Variants in NIPA1 observed in about 807,000 individuals in gnomAD.
NIPA1 encodes NIPA magnesium transporter 1.
Under a neutral mutation model 23.9 loss-of-function variants are expected in NIPA1, and 13 were observed. The ratio of observed to expected loss-of-function variants is 0.54; its 90% confidence interval spans 0.35 to 0.87. NIPA1 has a LOEUF of 0.87. Among genes scored for constraint, NIPA1 ranks in the 40% least tolerant of loss-of-function variants. NIPA1 has a pLI of 0.01. For synonymous variants in NIPA1, 234 were observed against 202.9 expected (o/e 1.15, Z -1.30); for missense variants, 362 against 429.7 (o/e 0.84, Z 1.39).
intron 1 of NIPA1, among the ~76,000 whole-genome samples, chr15:22,807,559 C>G (rs963815917): frequency 2.8e-4 from 42 of 151,846 alleles, no homozygotes; most frequent in Admixed American, 1.3e-4. Flanking sequence ...TACACCCCAG[C>G]CTGGGCAACA....
chr15:22,809,977 C>T (rs1253254425), intron 1 of NIPA1, among the ~76,000 whole-genome samples: 2 of 151,760 alleles, frequency 1.3e-5, no homozygotes, highest in South Asian at 4.2e-4. Context: ...TGGGAGGAGG[C>T]GGAGGTTGCG....
intron 1 of NIPA1, among the ~76,000 whole-genome samples, chr15:22,809,011 C>G (rs1458781345): frequency 6.6e-6 from 1 of 152,098 alleles, no homozygotes; most frequent in East Asian, 1.9e-4. Context: ...ACTTGTAGCT[C>G]TGCTGCTCCA....
chr15:22,788,396 G>C (rs1331052566), intron 1 of NIPA1, among the ~76,000 whole-genome samples: 1 of 151,562 alleles, frequency 6.6e-6, no homozygotes, highest in African/African-American at 2.4e-5. Context: ...AGCTACTCGA[G>C]AGGCTGAGGC....
At position 22,824,254 on chromosome 15, in the gene NIPA1, T is replaced by TTGGA. The variant is rs1439050499; in HGVS notation, c.*19_*22dup. On this transcript the variant is annotated 3_prime_UTR_variant, in exon 5 of 5. Coordinates refer to ENST00000337435, the MANE Select transcript of NIPA1 (RefSeq NM_144599.5). The surrounding 1 kb of genome is among the most constrained non-coding windows in gnomAD (Gnocchi z 4.1). ...AAACAGACTAGATTGCAATAGGAGC[T>TTGGA]TGGATGGTTCGAGGAATAGGCATTG... 6.2e-7 allele frequency: 1 copy of TTGGA among 1,610,088 alleles called. No homozygotes were observed. The highest frequency in any genetic ancestry group is 8.5e-7 in the Non-Finnish European group (1 of 1,176,442).
rs532196835 is a variant in NIPA1, at chr15:22,812,299, T to C, written c.317+46T>C. 6.8e-6 allele frequency: 9 copies of C among 1,322,488 alleles called. No homozygotes were observed. In the African/African-American group the frequency reaches 7.2e-5, roughly 11 times the overall value. The allele number at this position is 1,322,488 out of a possible 1,614,324, so 81.9% of individuals were successfully genotyped here. A position where few individuals can be genotyped will look rare whatever the true frequency, so the allele number is the denominator to read the frequency against. ...TGGTATTTAATGTGTAGTGTAGATATAACAACTTTTCATTTTAAATGTTTC... is the reference window on the plus strand; with the variant it reads ...TGGTATTTAATGTGTAGTGTAGATACAACAACTTTTCATTTTAAATGTTTC... On this transcript the variant is annotated intron_variant, in intron 3 of 4. Transcript: ENST00000337435.
At chr15:22,819,394 AC>A (rs1442218969) in intron 3 of NIPA1, 3 of 152,152 alleles carry the variant, frequency 2.0e-5, no homozygotes, top group Non-Finnish European at 4.4e-5. Flanking sequence ...AGTGACAATG[AC>A]CAGTCCTGTG....
chr15:22,800,985 A>G (rs1240445987), intron 1 of NIPA1, among the ~76,000 whole-genome samples: 2 of 150,506 alleles, frequency 1.3e-5, no homozygotes, highest in South Asian at 4.2e-4. Flanking sequence ...GCATGCCTGT[A>G]GTCCCAGCTA....
At chr15:22,820,557 C>T (rs1304389364) in intron 4 of NIPA1, 84 bp downstream of exon 4, 15 of 1,003,336 alleles carry the variant, frequency 1.5e-5, no homozygotes, top group Non-Finnish European at 2.4e-5. Context: ...TTGGATGCTT[C>T]CTGGCAGGGC....
chr15:22,786,325 C>G (rs1374441301), upstream of NIPA1: 1 of 152,420 alleles, frequency 6.6e-6, no homozygotes, highest in African/African-American at 2.4e-5. Flanking sequence ...CTCCGCTGCC[C>G]GGATATTGCA....
intron 4 of NIPA1, among the ~76,000 whole-genome samples, chr15:22,822,908 GTTTTTT>G (rs59308538): frequency 4.5e-4 from 41 of 91,452 alleles, no homozygotes; most frequent in South Asian, 6.9e-4. Context: ...GCTGTAAATG[GTTTTTT>G]TTTTTTTTTT....
Position 22,823,769 on chromosome 15 carries a change from C to T in NIPA1, c.520C>T (p.Leu174=). The T allele has an allele frequency of 6.2e-7, 1 of 1,612,914 alleles. No homozygotes were observed. The highest frequency in any genetic ancestry group is 8.5e-7 in the Non-Finnish European group (1 of 1,179,706). Reference sequence around the variant, plus strand: ...GTGCATCGTGCTGCTCATGCTGCTGCTGCTCATCTTCTGGATCGCGCCGGC... The same window carrying T: ...GTGCATCGTGCTGCTCATGCTGCTGTTGCTCATCTTCTGGATCGCGCCGGC... ...YLCIVLLMLL[L]LIFWIAPAHG... is the part of the protein sequence containing the mutation. The change falls in exon 5 of 5, where the codon CTG becomes TTG. Residue 174 remains leucine, a synonymous_variant. Transcript: ENST00000337435.
intron 1 of NIPA1, among the ~76,000 whole-genome samples, chr15:22,805,560 C>T (rs1895189758): frequency 1.3e-5 from 2 of 152,014 alleles, no homozygotes; most frequent in African/African-American, 2.4e-5. Context: ...GGTGGCGCAG[C>T]CTGTAATGCC....
At position 22,829,578 on chromosome 15, in the gene NIPA1, T is replaced by C. The variant is rs1331306817; in HGVS notation, c.*5339T>C. ...AAATGTCAAATGTTGATTGGTTGTGTAAAAGTTTTGTCATAGACATGTATT... is the reference window on the plus strand; with the variant it reads ...AAATGTCAAATGTTGATTGGTTGTGCAAAAGTTTTGTCATAGACATGTATT... On this transcript the variant is annotated 3_prime_UTR_variant, in exon 5 of 5. Coordinates refer to ENST00000337435, the MANE Select transcript of NIPA1 (RefSeq NM_144599.5). 2.0e-5 allele frequency: 3 copies of C among 152,196 alleles called. No homozygotes were observed. The East Asian group carries it at 5.8e-4, about 29-fold the overall frequency. 9.4% of individuals were successfully genotyped at this position (152,196 alleles called of 1,614,324 possible).
chr15:22,786,579 G>A (rs1022708510), upstream of NIPA1: 2 of 324,620 alleles, frequency 6.2e-6, no homozygotes, highest in African/African-American at 2.4e-5. Flanking sequence ...TCCCCCGCCC[G>A]CGCCTCCCGG....
chr15:22,804,331 C>T (rs1236312316), intron 1 of NIPA1, among the ~76,000 whole-genome samples: 7 of 152,032 alleles, frequency 4.6e-5, no homozygotes, highest in Middle Eastern at 6.8e-3. Flanking sequence ...CCATCTTGGC[C>T]AGGCTGGTCT....
intron 1 of NIPA1, among the ~76,000 whole-genome samples, chr15:22,796,513 A>G (rs1348804730): frequency 1.3e-5 from 2 of 151,550 alleles, no homozygotes; most frequent in African/African-American, 4.9e-5. Context: ...TATGTTGATC[A>G]GGCTGGTCTC....
intron 3 of NIPA1, chr15:22,814,265 T>G (rs530999495): frequency 4.2e-4 from 102 of 245,762 alleles, no homozygotes; most frequent in South Asian, 6.0e-4. Flanking sequence ...TTTTTTTTTG[T>G]TTTTTTTTTT....
rs149238395 is a variant in NIPA1 at position 22,787,368 on chromosome 15, A to G, written c.178+534A>G. On this transcript the variant is annotated intron_variant, in intron 1 of 4. Transcript: ENST00000337435. ...TCCCCCGCAGGGGCCTCGCTGGTGC[A>G]AAAGGAAGACCCGGGCGGGCTCTCA... Among the ~76,000 whole-genome samples, 85 of 152,318 alleles carry G rather than the reference A, an allele frequency of 5.6e-4. 2 individuals are homozygous for G. Among genetic ancestry groups the G allele is most frequent in the South Asian group, 3.3e-3 (16 of 4,834 alleles).
At chr15:22,808,293 G>C (rs1895253087) in intron 1 of NIPA1, among the ~76,000 whole-genome samples, 1 of 152,186 alleles carries the variant, frequency 6.6e-6, no homozygotes, top group Non-Finnish European at 1.5e-5. Flanking sequence ...GCCCACCATG[G>C]GACATTCTTA....
Sources: allele counts gnomAD v4.1 joint callset (sites outside exome capture counted in the v4.1 genomes callset), GRCh38; gene constraint gnomAD v4.1.1; non-coding constraint Gnocchi (gnomAD v3.1); transcripts MANE v1.5; gene names NCBI Gene and HGNC (gene_info 2026-07-23, HGNC 2026-07-21).